Variants in PIP5K1C observed in about 807,000 individuals in gnomAD.
PIP5K1C encodes phosphatidylinositol-4-phosphate 5-kinase type 1 gamma.
PIP5K1C carries 45 observed loss-of-function variants against 80.1 expected under a neutral mutation model. That is an observed-to-expected ratio of 0.56 (90% CI 0.44 to 0.72). The LOEUF (loss-of-function observed/expected upper bound fraction) is 0.72. Ranked by LOEUF, PIP5K1C falls within the 30% of genes least tolerant of loss-of-function variation. PIP5K1C has a pLI of 0.00. For missense variants in PIP5K1C, 753 were observed against 954.6 expected, an observed-to-expected ratio of 0.79 and a Z score of 2.78; for synonymous variants, 498 against 420.1, an observed-to-expected ratio of 1.19 and a Z score of -2.27.
At position 3,654,235 on chromosome 19, in the gene PIP5K1C, G is replaced by A. The variant is rs549723929; in HGVS notation, c.622-646C>T. On this transcript the variant is annotated intron_variant, in intron 6 of 17. Coordinates refer to ENST00000335312, the MANE Select transcript of PIP5K1C (RefSeq NM_012398.3). ...CTCCAAATCTGGGTCCCCAGGCGCA[G>A]TGACGAGTCTGGGTCCTGCTGTACC... is the stretch of plus-strand genomic sequence containing the variant. 3.9e-5 allele frequency among the ~76,000 whole-genome samples: 6 copies of A among 152,344 alleles called. No homozygotes were observed. In the South Asian group the frequency reaches 1.2e-3, roughly 32 times the overall value.
Position 3,644,232 on chromosome 19 carries a change from G to A in PIP5K1C, c.1365C>T (p.Ser455=). The change falls in exon 12 of 18, where the codon TCC becomes TCT. Residue 455 remains serine, a synonymous_variant. Transcript: ENST00000335312. ...RKNSSLKSSP[S]KKGRGGALLA... is the part of the protein sequence containing the mutation. Reference sequence around the variant, plus strand: ...GCAAGGCTCCGCCGCGCCCCTTCTTGGAGGGCGAGGACTTCAGGGCTGCAG... The same window carrying A: ...GCAAGGCTCCGCCGCGCCCCTTCTTAGAGGGCGAGGACTTCAGGGCTGCAG... 1 of 1,612,380 alleles carries A rather than the reference G, an allele frequency of 6.2e-7. No individual in the cohort carries two copies. The highest frequency in any genetic ancestry group is 1.3e-5 in the African/African-American group (1 of 75,042).
At chr19:3,678,563 GATGGAGGGAGGGATGGAGGGATAA>G (rs1478108061) in intron 1 of PIP5K1C, among the ~76,000 whole-genome samples, 2 of 120,022 alleles carry the variant, frequency 1.7e-5, no homozygotes, top group Non-Finnish European at 1.8e-5. Context: ...TGGAAGGAGG[GATGGAGGGAGGGATGGAGGGATAA>G]AGGGATGGAG....
intron 16 of PIP5K1C, among the ~76,000 whole-genome samples, chr19:3,633,749 G>A (rs2033554472): frequency 6.6e-6 from 1 of 152,168 alleles, no homozygotes; most frequent in Non-Finnish European, 1.5e-5. Context: ...ACGGCGGGCG[G>A]CAGAAAGCAG....
chr19:3,645,777 C>T (rs1426746449), intron 11 of PIP5K1C, among the ~76,000 whole-genome samples, 197 bp downstream of exon 11: 1 of 152,222 alleles, frequency 6.6e-6, no homozygotes, highest in Non-Finnish European at 1.5e-5. Flanking sequence ...GCTCCAGACC[C>T]GTGCTCTACC....
intron 1 of PIP5K1C, among the ~76,000 whole-genome samples, chr19:3,684,588 G>T (rs374199474): frequency 6.6e-6 from 1 of 152,234 alleles, no homozygotes; most frequent in Non-Finnish European, 1.5e-5. Flanking sequence ...GCCAGATGCC[G>T]CAGCAGAACC....
At chr19:3,636,319 C>CTG in intron 16 of PIP5K1C, 8 of 931,240 alleles carry the variant, frequency 8.6e-6, no homozygotes, top group Non-Finnish European at 1.0e-5. Context: ...AGACCAGAAC[C>CTG]AAGGGCACAG....
At chr19:3,698,850 ATATGGCCAGCTGGGGTCAGATTTC>A (rs1468243754) in intron 1 of PIP5K1C, among the ~76,000 whole-genome samples, 2 of 152,076 alleles carry the variant, frequency 1.3e-5, no homozygotes, top group African/African-American at 4.8e-5. Context: ...CAGAAGCAGT[ATATGGCCAGCTGGGGTCAGATTTC>A]TGTGGATTTC....
At position 3,637,186 on chromosome 19, in the gene PIP5K1C, C is replaced by G. The variant is rs1267468482; in HGVS notation, c.1920+1698G>C. 4.4e-5 allele frequency: 63 copies of G among 1,429,472 alleles called. No individual in the cohort carries two copies. The highest frequency in any genetic ancestry group is 5.7e-5 in the Non-Finnish European group (62 of 1,096,454). 88.5% of individuals were successfully genotyped at this position (1,429,472 alleles called of 1,614,324 possible). Reference sequence around the variant, plus strand: ...GTCTGCACGAGTGAGAAGCGTCCACCCAAGACACCCTGACACGAGAGGGCT... The same window carrying G: ...GTCTGCACGAGTGAGAAGCGTCCACGCAAGACACCCTGACACGAGAGGGCT... On this transcript the variant is annotated intron_variant, in intron 16 of 17. Coordinates refer to ENST00000335312, the MANE Select transcript of PIP5K1C (RefSeq NM_012398.3). The surrounding 1 kb of genome is among the most constrained non-coding windows in gnomAD (Gnocchi z 7.0).
intron 16 of PIP5K1C, 151 bp from the exon 17 acceptor site, chr19:3,633,671 C>A: frequency 2.0e-6 from 1 of 501,764 alleles, no homozygotes; most frequent in South Asian, 7.3e-5. Context: ...GCTGCCCTCT[C>A]TGACCCGGTG....
In PIP5K1C at chr19:3,661,868, C is replaced by T. The variant is rs747768055; in HGVS notation, c.350+3G>A. The T allele has an allele frequency of 1.2e-6, 2 of 1,611,706 alleles. No homozygotes were observed. Among genetic ancestry groups the T allele is most frequent in the East Asian group, 4.5e-5 (2 of 44,880 alleles). On this transcript the variant is annotated splice_donor_region_variant and intron_variant, in intron 4 of 17. Transcript: ENST00000335312. Reference sequence around the variant, plus strand: ...GCCCTGAGGCTCCGGGGGCCCGGCCCACCTGGGGAAGAAGATGCTCTCCAC... The same window carrying T: ...GCCCTGAGGCTCCGGGGGCCCGGCCTACCTGGGGAAGAAGATGCTCTCCAC...
chr19:3,651,274 C>T (rs939348139), intron 8 of PIP5K1C, among the ~76,000 whole-genome samples: 3 of 152,134 alleles, frequency 2.0e-5, no homozygotes, highest in African/African-American at 7.2e-5. Flanking sequence ...CAGGCTGGTA[C>T]TGAACTCCGG....
chr19:3,691,368 A>G (rs2035944541), intron 1 of PIP5K1C, among the ~76,000 whole-genome samples: 1 of 152,174 alleles, frequency 6.6e-6, no homozygotes, highest in South Asian at 2.1e-4. Flanking sequence ...TTCCAGGGTA[A>G]GCGGATTCCT....
chr19:3,651,931 G>A lies in PIP5K1C; in HGVS notation c.1022C>T (p.Thr341Ile), dbSNP rs1362153727. 9 of 1,612,800 alleles carry A rather than the reference G, an allele frequency of 5.6e-6. No individual in the cohort carries two copies. Among genetic ancestry groups the A allele is most frequent in the Non-Finnish European group, 6.8e-6 (8 of 1,179,966 alleles). ...GCCCACAGGCCGCTTCTCATCTGAG[G>A]TGCTCTGGGCGCCCTGCGCCTGCCG... ...RERQAQGAQS[T>I]SDEKRPVGQK... is the part of the protein sequence containing the mutation. The change falls in exon 8 of 18, where the codon ACC (threonine) becomes ATC (isoleucine). Residue 341 changes from threonine to isoleucine, a missense_variant. Around this residue, in one of 6 missense-constraint regions of PIP5K1C, gnomAD observed 105 missense variants for 133.4 expected, o/e 0.79. Transcript: ENST00000335312.
chr19:3,690,918 G>A (rs1600092465), intron 1 of PIP5K1C, among the ~76,000 whole-genome samples: 1 of 152,194 alleles, frequency 6.6e-6, no homozygotes, highest in Non-Finnish European at 1.5e-5. Context: ...CACGGAGCTT[G>A]CAGGAGCTGA....
At chr19:3,683,814 G>C (rs540882029) in intron 1 of PIP5K1C, among the ~76,000 whole-genome samples, 2 of 152,072 alleles carry the variant, frequency 1.3e-5, no homozygotes, top group Admixed American at 6.5e-5. Flanking sequence ...GGATCAGCCC[G>C]GGCACAGCAG....
intron 1 of PIP5K1C, among the ~76,000 whole-genome samples, chr19:3,675,648 TTC>T (rs1417482454): frequency 6.6e-6 from 1 of 152,174 alleles, no homozygotes; most frequent in Non-Finnish European, 1.5e-5. Flanking sequence ...CTCAGGCCTC[TTC>T]TCTCTTGATA....
At chr19:3,661,464 T>G (rs1200046364) in intron 4 of PIP5K1C, among the ~76,000 whole-genome samples, 1 of 152,218 alleles carries the variant, frequency 6.6e-6, no homozygotes, top group Non-Finnish European at 1.5e-5. Context: ...TTGCCTCCTG[T>G]GGCTGGAATG....
In PIP5K1C at chr19:3,645,986, G is replaced by A. The variant is rs1457887006; in HGVS notation, c.1333C>T (p.Arg445Trp). ...TCAGGTGGCTTACAGGAGTTCTTCC[G>A]AAAGACCGTGTTGCTCATGAACTTG... ...FFKFMSNTVFRKNSSLKSSPS... is the reference protein window; with the variant it reads ...FFKFMSNTVFWKNSSLKSSPS... Residue 445 changes from arginine to tryptophan, a missense_variant, in exon 11 of 18, where the codon CGG (arginine) becomes TGG (tryptophan). Around this residue, in one of 6 missense-constraint regions of PIP5K1C, gnomAD observed 114 missense variants for 152.4 expected, o/e 0.75. Transcript: ENST00000335312. 5 of 1,613,106 alleles carry A rather than the reference G, an allele frequency of 3.1e-6. No individual in the cohort carries two copies. Among genetic ancestry groups the A allele is most frequent in the Admixed American group, 1.7e-5 (1 of 60,006 alleles).
At chr19:3,634,988 G>C (rs2033620660) in intron 16 of PIP5K1C, among the ~76,000 whole-genome samples, 1 of 152,262 alleles carries the variant, frequency 6.6e-6, no homozygotes, top group Non-Finnish European at 1.5e-5. Context: ...GGGAATGGCA[G>C]GTCAGGTCCA....
Sources: allele counts gnomAD v4.1 joint callset (sites outside exome capture counted in the v4.1 genomes callset), GRCh38; gene constraint gnomAD v4.1.1; regional missense constraint gnomAD v4.1.1; non-coding constraint Gnocchi (gnomAD v3.1); transcripts MANE v1.5; gene names NCBI Gene and HGNC (gene_info 2026-07-23, HGNC 2026-07-21).